MGAT5: variants seen among roughly 807,000 people sequenced by gnomAD.
The protein encoded by MGAT5 is alpha-1,6-mannosylglycoprotein 6-beta-N-acetylglucosaminyltransferase.
Under a neutral mutation model 94.3 loss-of-function variants are expected in MGAT5, and 30 were observed. The ratio of observed to expected loss-of-function variants is 0.32; its 90% CI spans 0.24 to 0.43. The LOEUF is 0.43. Ranked by LOEUF, MGAT5 falls within the 20% of genes least tolerant of loss-of-function variation. The pLI is 1.00. For synonymous variants in MGAT5, 310 were observed against 322.9 expected (o/e 0.96, Z 0.43); for missense variants, 691 against 905.5 (o/e 0.76, Z 3.04).
intron 2 of MGAT5, among the ~76,000 whole-genome samples, chr2:134,295,994 A>G (rs764550360): frequency 7.9e-5 from 12 of 152,200 alleles, no homozygotes; most frequent in Non-Finnish European, 1.6e-4. Context: ...GGAAGGGAAG[A>G]GGATTTCATC....
intron 1 of MGAT5, among the ~76,000 whole-genome samples, chr2:134,128,437 T>C (rs987147603): frequency 6.6e-4 from 100 of 152,336 alleles, no homozygotes; most frequent in African/African-American, 2.3e-3. Flanking sequence ...TTGGTAATAC[T>C]GTGTATTAAG....
At chr2:134,273,690 CT>C (rs1684174250) in intron 2 of MGAT5, among the ~76,000 whole-genome samples, 1 of 151,674 alleles carries the variant, frequency 6.6e-6, no homozygotes, top group Admixed American at 6.6e-5. Context: ...TTCTGTGTAG[CT>C]TTTATCCAGT....
At chr2:134,145,871 C>G (rs1276296292) in intron 1 of MGAT5, among the ~76,000 whole-genome samples, 1 of 152,194 alleles carries the variant, frequency 6.6e-6, no homozygotes, top group East Asian at 1.9e-4. Context: ...ACACCTTCCC[C>G]CAACCCCCAA....
chr2:134,183,092 A>G (rs1178808502), intron 1 of MGAT5, among the ~76,000 whole-genome samples: 1 of 152,118 alleles, frequency 6.6e-6, no homozygotes, highest in Non-Finnish European at 1.5e-5. Flanking sequence ...ACCTGGCCAT[A>G]AGATTAATTT....
intron 14 of MGAT5, 137 bp downstream of exon 14, chr2:134,428,576 A>G (rs1475159959): frequency 2.8e-6 from 2 of 707,384 alleles, no homozygotes; most frequent in East Asian, 2.7e-5. Context: ...AAGCTGGATA[A>G]TAGTAGCACT....
chr2:134,447,204 C>A (rs1685835307), intron 15 of MGAT5, among the ~76,000 whole-genome samples: 1 of 152,176 alleles, frequency 6.6e-6, no homozygotes, highest in Non-Finnish European at 1.5e-5. Context: ...CCTCAGGCTC[C>A]CCATCCTCAT....
chr2:134,272,014 G>A (rs1012426848), intron 2 of MGAT5, among the ~76,000 whole-genome samples: 1 of 152,174 alleles, frequency 6.6e-6, no homozygotes, highest in Admixed American at 6.5e-5. Flanking sequence ...CACTGCCTCT[G>A]AAGTCCTGTG....
intron 1 of MGAT5, among the ~76,000 whole-genome samples, chr2:134,139,770 C>A (rs1337508064): frequency 6.6e-6 from 1 of 152,132 alleles, no homozygotes; most frequent in Admixed American, 6.5e-5. Context: ...AACAGCCCTG[C>A]TAGATTACCA....
At position 134,397,334 on chromosome 2, in the gene MGAT5, A is replaced by C. The variant is rs188812338; in HGVS notation, c.1381-5654A>C. Among the ~76,000 whole-genome samples, 181 of 152,246 alleles carry C rather than the reference A, an allele frequency of 1.2e-3. 2 individuals carry two copies. The highest frequency in any genetic ancestry group is 1.7e-3 in the Non-Finnish European group (117 of 68,010). ...GAGTTGCAAATCCAGGGCAGCAAGGATGAAGGAAAAGGGAAGTGCAGGGTA... is the reference window on the plus strand; with the variant it reads ...GAGTTGCAAATCCAGGGCAGCAAGGCTGAAGGAAAAGGGAAGTGCAGGGTA... On this transcript the variant is annotated intron_variant, in intron 10 of 15. Coordinates refer to ENST00000281923, the MANE Select transcript of MGAT5 (RefSeq NM_002410.5).
At chr2:134,234,233 G>T (rs1358594878) in intron 1 of MGAT5, among the ~76,000 whole-genome samples, 2 of 152,182 alleles carry the variant, frequency 1.3e-5, no homozygotes, top group African/African-American at 4.8e-5. Context: ...TGGGAGTCAA[G>T]ACTTACAGGT....
intron 1 of MGAT5, among the ~76,000 whole-genome samples, chr2:134,248,885 T>C (rs1682431085): frequency 6.6e-6 from 1 of 152,128 alleles, no homozygotes. Flanking sequence ...AACTGCTTCA[T>C]TGGTCTCGTT....
At chr2:134,444,142 T>C (rs1391493157) in intron 15 of MGAT5, among the ~76,000 whole-genome samples, 1 of 152,208 alleles carries the variant, frequency 6.6e-6, no homozygotes, top group Non-Finnish European at 1.5e-5. Context: ...ATAGGTAAGA[T>C]AATGAACAGC....
At chr2:134,265,897 C>T (rs963169557) in intron 1 of MGAT5, among the ~76,000 whole-genome samples, 4 of 152,132 alleles carry the variant, frequency 2.6e-5, no homozygotes, top group Middle Eastern at 3.4e-3. Context: ...GGTCTGGGCG[C>T]GGTGGCTCAT....
intron 1 of MGAT5, among the ~76,000 whole-genome samples, chr2:134,133,788 T>G (rs1686281904): frequency 6.6e-6 from 1 of 152,244 alleles, no homozygotes; most frequent in Middle Eastern, 3.4e-3. Context: ...TGGCGGTTGT[T>G]GATTGGTCGA....
chr2:134,361,724 C>A (rs946372000), intron 9 of MGAT5, among the ~76,000 whole-genome samples: 12 of 152,176 alleles, frequency 7.9e-5, no homozygotes, highest in African/African-American at 2.9e-4. Flanking sequence ...TCAATATAGA[C>A]CCATAATTAC....
At chr2:134,269,792 T>A (rs1295816155) in intron 1 of MGAT5, among the ~76,000 whole-genome samples, 3 of 152,360 alleles carry the variant, frequency 2.0e-5, no homozygotes, top group South Asian at 2.1e-4. Flanking sequence ...AGTAGCTTAA[T>A]AAATATTTGT....
chr2:134,271,151 G>A (rs1393947830), intron 2 of MGAT5, among the ~76,000 whole-genome samples: 2 of 152,200 alleles, frequency 1.3e-5, no homozygotes, highest in Non-Finnish European at 2.9e-5. Flanking sequence ...GATGAGACAA[G>A]GAAAATTGAC....
At chr2:134,232,221 A>C (rs1447040658) in intron 1 of MGAT5, among the ~76,000 whole-genome samples, 2 of 152,050 alleles carry the variant, frequency 1.3e-5, no homozygotes, top group Non-Finnish European at 2.9e-5. Flanking sequence ...TCAGGCCTTT[A>C]TTGGACTCAT....
At chr2:134,376,373 A>G (rs1681170912) in intron 10 of MGAT5, among the ~76,000 whole-genome samples, 1 of 151,782 alleles carries the variant, frequency 6.6e-6, no homozygotes, top group Admixed American at 6.6e-5. Context: ...TAAAATGGAT[A>G]TCATTTACTG....
Sources: gnomAD v4.1 joint callset for allele counts (sites outside exome capture counted in the v4.1 genomes callset) on GRCh38, gnomAD v4.1.1 for gene constraint, MANE v1.5 for transcripts, NCBI Gene and HGNC (gene_info 2026-07-23, HGNC 2026-07-21) for gene names.